Variants in ITPR1 observed in about 807,000 individuals in gnomAD.
The protein encoded by ITPR1 is inositol 1,4,5-trisphosphate-gated calcium channel ITPR1.
In ITPR1, 96 loss-of-function variants were observed where a neutral mutation model predicts 318.4. The observed-to-expected ratio is 0.30, with a 90% CI of 0.26 to 0.36. The LOEUF (loss-of-function observed/expected upper bound fraction) is 0.36, where lower values mean the gene tolerates loss of function less well. Among genes scored for constraint, ITPR1 ranks in the 10% least tolerant of loss-of-function variants. ITPR1 has a pLI of 1.00. For synonymous variants in ITPR1, 1,312 were observed against 1,289.9 expected, an observed-to-expected ratio of 1.02 and a Z score of -0.37; for missense variants, 2,440 against 3,460.2, an observed-to-expected ratio of 0.71 and a Z score of 7.40.
chr3:4,784,239 A>C (rs1314085876), intron 51 of ITPR1, among the ~76,000 whole-genome samples: 1 of 152,138 alleles, frequency 6.6e-6, no homozygotes, highest in East Asian at 1.9e-4. Context: ...AGTCTGAAGA[A>C]ATTTCATCTG....
At chr3:4,568,191 G>A (rs921310120) in intron 4 of ITPR1, among the ~76,000 whole-genome samples, 1 of 152,216 alleles carries the variant, frequency 6.6e-6, no homozygotes, top group Admixed American at 6.5e-5. Context: ...GGTAGCTAGT[G>A]ATGTTGTTGT....
intron 10 of ITPR1, among the ~76,000 whole-genome samples, chr3:4,646,541 A>G (rs2093462052): frequency 6.6e-6 from 1 of 152,226 alleles, no homozygotes; most frequent in Non-Finnish European, 1.5e-5. Context: ...CTGAAGGGCC[A>G]TATATCCAGG....
chr3:4,769,862 G>A (rs2046073579), intron 46 of ITPR1, among the ~76,000 whole-genome samples: 2 of 152,224 alleles, frequency 1.3e-5, no homozygotes. Context: ...GTAGAGATCC[G>A]CTTCTTTCTT....
rs115227790 is a variant in ITPR1, at chr3:4,642,642, G to A, written c.525+391G>A. Among the ~76,000 whole-genome samples the A allele has an allele frequency of 3.4e-3, 512 of 152,308 alleles. 4 individuals carry two copies. Among genetic ancestry groups the A allele is most frequent in the African/African-American group, 0.011 (464 of 41,548 alleles). On this transcript the variant is annotated intron_variant, in intron 7 of 61. Transcript: ENST00000649015. Reference sequence around the variant, plus strand: ...GATAGAGGATGGAAAAGAAACAACCGTAGTAAAGAAGGAGAGTAGAATTTG... The same window carrying A: ...GATAGAGGATGGAAAAGAAACAACCATAGTAAAGAAGGAGAGTAGAATTTG...
chr3:4,654,582 G>A (rs2093664489), intron 12 of ITPR1, among the ~76,000 whole-genome samples: 1 of 152,178 alleles, frequency 6.6e-6, no homozygotes, highest in Non-Finnish European at 1.5e-5. Context: ...CTTGTGGAGT[G>A]CTTGATTCTG....
chr3:4,584,166 C>A (rs1362069194), intron 4 of ITPR1, among the ~76,000 whole-genome samples: 2 of 152,128 alleles, frequency 1.3e-5, no homozygotes, highest in Admixed American at 1.3e-4. Flanking sequence ...TTCAGTACCT[C>A]CTCTGATGTT....
chr3:4,734,254 G>T (rs1370903637), intron 43 of ITPR1, among the ~76,000 whole-genome samples: 1 of 152,206 alleles, frequency 6.6e-6, no homozygotes, highest in African/African-American at 2.4e-5. Flanking sequence ...TTTACTTTCT[G>T]TAGTGAGGTC....
In ITPR1 at chr3:4,783,907, C is replaced by T. The variant is rs762547780; in HGVS notation, c.6602C>T (p.Thr2201Met). 5.6e-6 allele frequency: 9 copies of T among 1,604,822 alleles called. No individual in the cohort carries two copies. The highest frequency in any genetic ancestry group is 2.2e-5 in the East Asian group (1 of 44,506). ...GCCCTGGAGTTTTATGCCAAGCACA[C>T]GGCGCAGATAGAGGTAAAAGCTGAG... ...DEALEFYAKH[T>M]AQIEIVRLDR... Residue 2201 changes from threonine (T) to methionine (M), a missense_variant, in exon 51 of 62, where the codon ACG becomes ATG. Physicochemically the swap from Thr to Met is moderately conservative, Grantham distance 81. This residue lies in a region of ITPR1 where 115 missense variants were observed against 204.5 expected (regional missense o/e 0.56). Transcript: ENST00000649015.
intron 60 of ITPR1, among the ~76,000 whole-genome samples, chr3:4,836,333 G>A (rs1056453403): frequency 2.0e-5 from 3 of 152,140 alleles, no homozygotes; most frequent in African/African-American, 7.2e-5. Flanking sequence ...AGATGATGGG[G>A]ATGGTTGCAC....
At position 4,787,865 on chromosome 3, in the gene ITPR1, C is replaced by T. The variant is rs556462585; in HGVS notation, c.6616-82C>T. ...ATCATATTATACTCAATCTTGACCACCGAGTCTACCACCAGTAGCAAATAG... is the reference window on the plus strand; with the variant it reads ...ATCATATTATACTCAATCTTGACCATCGAGTCTACCACCAGTAGCAAATAG... On this transcript the variant is annotated intron_variant, in intron 51 of 61. Transcript: ENST00000649015. The T allele has an allele frequency of 1.1e-4, 105 of 944,282 alleles. 2 individuals are homozygous for T. The Admixed American group carries it at 2.6e-3, about 24-fold the overall frequency. The allele number at this position is 944,282 out of a possible 1,614,324, so 58.5% of individuals were successfully genotyped here.
intron 24 of ITPR1, 85 bp downstream of exon 24, chr3:4,676,886 A>T: frequency 9.4e-7 from 1 of 1,067,674 alleles, no homozygotes; most frequent in Non-Finnish European, 1.3e-6. Flanking sequence ...ATGGAGCCCA[A>T]GGCTTTCTGG....
At chr3:4,700,999 C>G (rs1033801518) in intron 35 of ITPR1, among the ~76,000 whole-genome samples, 4 of 152,194 alleles carry the variant, frequency 2.6e-5, no homozygotes, top group African/African-American at 9.7e-5. Flanking sequence ...GTGTCTCCCA[C>G]AACATGTGGG....
At chr3:4,519,485 A>C (rs572250540) in intron 3 of ITPR1, among the ~76,000 whole-genome samples, 155 of 152,290 alleles carry the variant, frequency 1.0e-3, no homozygotes, top group Non-Finnish European at 1.9e-3. Context: ...TCGGCCTCCC[A>C]AAGTGCTGGG....
intron 22 of ITPR1, 103 bp from the exon 23 acceptor site, chr3:4,674,965 G>A: frequency 1.6e-6 from 1 of 615,582 alleles, no homozygotes; most frequent in Non-Finnish European, 2.8e-6. Context: ...CTTACCATAA[G>A]GAAGGTCCAA....
intron 4 of ITPR1, among the ~76,000 whole-genome samples, chr3:4,602,082 T>C (rs1328566281): frequency 6.6e-6 from 1 of 152,212 alleles, no homozygotes; most frequent in Non-Finnish European, 1.5e-5. Context: ...TCTCACACAT[T>C]GCTGGCAGGA....
At chr3:4,681,274 A>G in intron 25 of ITPR1, 90 bp from the exon 26 acceptor site, 1 of 873,966 alleles carries the variant, frequency 1.1e-6, no homozygotes, top group Non-Finnish European at 1.9e-6. Flanking sequence ...TTAACTCAAC[A>G]GCTTTACCCT....
At chr3:4,825,224 A>C (rs2049996850) in intron 60 of ITPR1, among the ~76,000 whole-genome samples, 1 of 151,852 alleles carries the variant, frequency 6.6e-6, no homozygotes, top group Admixed American at 6.6e-5. Flanking sequence ...TCCATTGGAG[A>C]TTTTCCAGTT....
At position 4,768,638 on chromosome 3, in the gene ITPR1, A is replaced by G. The variant is rs2045973700; in HGVS notation, c.5853A>G (p.Gly1951=). Residue 1951 remains glycine, a synonymous_variant, in exon 46 of 62, where the codon GGA becomes GGG. Transcript: ENST00000649015. The part of the protein sequence containing the change: ...EADPDDHYQP[G]EGTQATADKA... ...ATCCCGACGACCACTACCAGCCTGGAGAGGGCACCCAGGCCACTGCCGACA... is the reference window on the plus strand; with the variant it reads ...ATCCCGACGACCACTACCAGCCTGGGGAGGGCACCCAGGCCACTGCCGACA... The G allele has an allele frequency of 6.2e-7, 1 of 1,613,830 alleles. No homozygotes were observed. The highest frequency in any genetic ancestry group is 1.7e-5 in the Admixed American group (1 of 60,006).
At chr3:4,679,364 A>C (rs1319190583) in intron 24 of ITPR1, among the ~76,000 whole-genome samples, 1 of 152,196 alleles carries the variant, frequency 6.6e-6, no homozygotes, top group East Asian at 1.9e-4. Flanking sequence ...CTGCCACAGC[A>C]AGCTGTGTCC....
Sources: allele counts gnomAD v4.1 joint callset (sites outside exome capture counted in the v4.1 genomes callset), GRCh38; gene constraint gnomAD v4.1.1; regional missense constraint gnomAD v4.1.1; transcripts MANE v1.5; gene names NCBI Gene and HGNC (gene_info 2026-07-23, HGNC 2026-07-21).